Variants in TKT observed in about 807,000 individuals in gnomAD.
The protein encoded by TKT is transketolase, also known as epididymis luminal protein 107.
In TKT, 47 loss-of-function variants were observed where a neutral mutation model predicts 63.9. That is an observed-to-expected ratio of 0.74 (90% confidence interval 0.58 to 0.94). The LOEUF (loss-of-function observed/expected upper bound fraction) is 0.94. TKT is among the 40% of genes least tolerant of loss of function. TKT has a pLI of 0.00. For missense variants in TKT, 721 were observed against 846.2 expected (o/e 0.85, Z 1.84); for synonymous variants, 338 against 334.1 (o/e 1.01, Z -0.13).
In TKT at chr3:53,226,845, G is replaced by T; in HGVS notation, c.1607C>A (p.Thr536Asn). The change falls in exon 13 of 14, where the codon ACC becomes AAC. Residue 536 changes from threonine to asparagine, a missense_variant. Transcript: ENST00000462138. ...KINIRVLDPF[T>N]IKPLDRKLIL... Reference sequence around the variant, plus strand: ...GAGTTTTCTGTCCAGGGGCTTGATGGTGAAGGGGTCCAGCACGCGGATGTT... The same window carrying T: ...GAGTTTTCTGTCCAGGGGCTTGATGTTGAAGGGGTCCAGCACGCGGATGTT... 5 of 1,613,612 alleles carry T rather than the reference G, an allele frequency of 3.1e-6. No homozygotes were observed. The highest frequency in any genetic ancestry group is 4.2e-6 in the Non-Finnish European group (5 of 1,179,730).
At chr3:53,240,378 G>T (rs1705222370) in intron 3 of TKT, 30 bp from the exon 4 acceptor site, 1 of 1,593,272 alleles carries the variant, frequency 6.3e-7, no homozygotes, top group Non-Finnish European at 8.6e-7. Flanking sequence ...CCGTTAATCT[G>T]AGAGGAGAAG....
At chr3:53,226,693 C>T (rs139327701) in intron 13 of TKT, 63 bp downstream of exon 13, 64 of 1,609,946 alleles carry the variant, frequency 4.0e-5, no homozygotes, top group Middle Eastern at 3.4e-4. Flanking sequence ...AGAAGAGGCA[C>T]GTCCAACGCT....
intron 3 of TKT, 80 bp from the exon 4 acceptor site, chr3:53,240,428 C>T (rs1705225105): frequency 1.5e-6 from 2 of 1,363,178 alleles, no homozygotes; most frequent in East Asian, 4.9e-5. Context: ...ACACTCCCAC[C>T]CAGCCCAGCA....
At chr3:53,232,467 C>T (rs1704809517) in intron 6 of TKT, 2 of 398,884 alleles carry the variant, frequency 5.0e-6, no homozygotes, top group East Asian at 7.1e-5. Flanking sequence ...GGAAGCCGAC[C>T]CAGGCCCTGG....
At chr3:53,233,329 GA>G in intron 5 of TKT, 55 bp from the exon 6 acceptor site, 2 of 1,420,580 alleles carry the variant, frequency 1.4e-6, no homozygotes, top group Non-Finnish European at 1.9e-6. Context: ...CAACACCGAG[GA>G]GCCTTCCAGG....
At chr3:53,244,898 A>C (rs1312230150) in intron 1 of TKT, among the ~76,000 whole-genome samples, 9 of 151,882 alleles carry the variant, frequency 5.9e-5, no homozygotes, top group Admixed American at 1.3e-4. Flanking sequence ...AAAAAAAAAA[A>C]AAAAACTAAC....
intron 1 of TKT, among the ~76,000 whole-genome samples, chr3:53,247,821 C>T (rs1705584673): frequency 6.6e-6 from 1 of 152,028 alleles, no homozygotes; most frequent in African/African-American, 2.4e-5. Flanking sequence ...TCACCTCTTC[C>T]AAGAAGCCCT....
At chr3:53,235,241 C>T in intron 4 of TKT, 67 bp from the exon 5 acceptor site, 1 of 1,423,564 alleles carries the variant, frequency 7.0e-7, no homozygotes, top group Non-Finnish European at 9.4e-7. Context: ...ACCCCCCCAC[C>T]CATCCAAGGA....
At chr3:53,227,182 G>A (rs1704536574) in intron 12 of TKT, 1 of 285,014 alleles carries the variant, frequency 3.5e-6, no homozygotes, top group Admixed American at 4.8e-5. Flanking sequence ...CAAAGGGAAT[G>A]CGAGAGAAAA....
chr3:53,250,377 C>G (rs1387474735), intron 1 of TKT, among the ~76,000 whole-genome samples: 1 of 152,170 alleles, frequency 6.6e-6, no homozygotes, highest in East Asian at 1.9e-4. Context: ...CAAAGAGCAC[C>G]AGGATGTAAA....
At chr3:53,234,287 C>T (rs7631667) in intron 5 of TKT, 147,017 of 152,398 alleles carry the variant, frequency 0.96, 71,133 homozygotes, top group East Asian at 1. Context: ...TGGGTTCATC[C>T]GCAAAACGCA....
At chr3:53,243,431 C>A (rs138850906) in intron 1 of TKT, among the ~76,000 whole-genome samples, 2 of 152,112 alleles carry the variant, frequency 1.3e-5, no homozygotes, top group African/African-American at 2.4e-5. Context: ...CTGGAGCTCA[C>A]GCCGCCAGCC....
At chr3:53,227,046 G>T in intron 12 of TKT, 168 bp from the exon 13 acceptor site, 2 of 773,750 alleles carry the variant, frequency 2.6e-6, no homozygotes, top group Non-Finnish European at 4.0e-6. Flanking sequence ...CCATGGCTGA[G>T]CTCATGCTTG....
At chr3:53,226,013 A>C in intron 13 of TKT, 82 bp from the exon 14 acceptor site, 1 of 1,375,988 alleles carries the variant, frequency 7.3e-7, no homozygotes, top group Non-Finnish European at 9.9e-7. Flanking sequence ...GCCTTAGTCA[A>C]GGATGGAGGA....
intron 1 of TKT, among the ~76,000 whole-genome samples, chr3:53,250,421 C>A (rs10433618): frequency 0.16 from 23,853 of 152,108 alleles, 2,463 homozygotes; most frequent in Middle Eastern, 0.27. Context: ...CCCCGGAGCC[C>A]ACTCACTCCA....
chr3:53,241,846 GA>G (rs1705294425), intron 2 of TKT: 1 of 433,030 alleles, frequency 2.3e-6, no homozygotes, highest in Admixed American at 3.5e-5. Flanking sequence ...ACACACAACA[GA>G]TGTTTCCGTA....
intron 4 of TKT, among the ~76,000 whole-genome samples, chr3:53,237,424 A>G (rs1705080288): frequency 1.3e-5 from 2 of 151,168 alleles, no homozygotes; most frequent in South Asian, 4.2e-4. Context: ...CCAGCTCTCC[A>G]CTGTTAATAT....
At chr3:53,233,322 C>T (rs563861997) in intron 5 of TKT, 48 bp from the exon 6 acceptor site, 2 of 1,474,112 alleles carry the variant, frequency 1.4e-6, no homozygotes, top group East Asian at 2.5e-5. Flanking sequence ...GGGGCCACAA[C>T]ACCGAGGAGC....
chr3:53,237,380 TC>T (rs782630083), intron 4 of TKT, among the ~76,000 whole-genome samples: 2 of 151,230 alleles, frequency 1.3e-5, no homozygotes, highest in Non-Finnish European at 2.9e-5. Flanking sequence ...AGAGCAAGAC[TC>T]CATCTCAAAA....
Sources: gnomAD v4.1 joint callset for allele counts (sites outside exome capture counted in the v4.1 genomes callset) on GRCh38, gnomAD v4.1.1 for gene constraint, MANE v1.5 for transcripts, NCBI Gene and HGNC (gene_info 2026-07-23, HGNC 2026-07-21) for gene names.